Variants in RP1 observed in about 807,000 individuals in gnomAD.
The protein encoded by RP1 is oxygen-regulated protein 1.
RP1 carries 16 observed loss-of-function variants against 14.8 expected under a neutral mutation model. The observed-to-expected ratio is 1.08, with a 90% CI of 0.73 to 1.65. The LOEUF (loss-of-function observed/expected upper bound fraction) is 1.65, where lower values mean the gene tolerates loss of function less well. Ranked by LOEUF, RP1 falls within the 40% of genes most tolerant of loss-of-function variation. The pLI is 0.00. For missense variants in RP1, 2,631 were observed against 2,535.0 expected (o/e 1.04, Z -0.81); for synonymous variants, 876 against 883.6 (o/e 0.99, Z 0.15).
intron 19 of RP1, among the ~76,000 whole-genome samples, chr8:54,746,987 G>T (rs1037862534): frequency 1.3e-5 from 2 of 152,156 alleles, no homozygotes; most frequent in African/African-American, 4.8e-5. Context: ...AATTTTCCTA[G>T]ATTGTTTTAT....
intron 16 of RP1, among the ~76,000 whole-genome samples, chr8:54,724,961 A>G (rs1303858448): frequency 6.6e-6 from 1 of 152,110 alleles, no homozygotes; most frequent in Non-Finnish European, 1.5e-5. Flanking sequence ...TTTCTAATGG[A>G]CTGGCACATT....
At chr8:54,820,338 A>T (rs1811226006) in intron 24 of RP1, among the ~76,000 whole-genome samples, 1 of 152,134 alleles carries the variant, frequency 6.6e-6, no homozygotes, top group South Asian at 2.1e-4. Context: ...CTCCAAGTCC[A>T]GTGAAGTACC....
At chr8:54,594,622 CTT>C (rs1455990823) in intron 1 of RP1, among the ~76,000 whole-genome samples, 3 of 152,160 alleles carry the variant, frequency 2.0e-5, no homozygotes, top group Non-Finnish European at 2.9e-5. Flanking sequence ...AAAATTAAGA[CTT>C]AAATTTGAAG....
chr8:54,603,818 C>T (rs1805355407), intron 1 of RP1, among the ~76,000 whole-genome samples: 1 of 152,144 alleles, frequency 6.6e-6, no homozygotes, highest in Non-Finnish European at 1.5e-5. Flanking sequence ...TGGGAGTTCA[C>T]TCATGATTTG....
chr8:54,740,934 G>T (rs1809068034), intron 19 of RP1, among the ~76,000 whole-genome samples: 1 of 151,814 alleles, frequency 6.6e-6, no homozygotes, highest in Non-Finnish European at 1.5e-5. Context: ...TAGTCGGGAG[G>T]CTGAGGCAGG....
intron 1 of RP1, among the ~76,000 whole-genome samples, chr8:54,581,236 A>G (rs1170380577): frequency 1.3e-5 from 2 of 149,378 alleles, no homozygotes; most frequent in Non-Finnish European, 3.0e-5. Context: ...ATTCCCACCT[A>G]TGAGTGAGAA....
At chr8:54,868,843 G>T (rs1235807420) in intron 28 of RP1, among the ~76,000 whole-genome samples, 1 of 152,086 alleles carries the variant, frequency 6.6e-6, no homozygotes, top group Non-Finnish European at 1.5e-5. Context: ...AAAGGTCTCC[G>T]AGAAGGAGGT....
chr8:54,722,241 A>C (rs531195287), intron 16 of RP1, among the ~76,000 whole-genome samples: 2 of 148,078 alleles, frequency 1.4e-5, no homozygotes, highest in South Asian at 2.2e-4. Flanking sequence ...TAATTCTCCA[A>C]GTCATTTTAT....
chr8:54,573,043 A>T (rs1477219609), intron 1 of RP1, among the ~76,000 whole-genome samples: 3 of 152,066 alleles, frequency 2.0e-5, no homozygotes, highest in African/African-American at 7.2e-5. Context: ...ATAAATAGAG[A>T]TTTTCTAATG....
At chr8:54,601,263 T>G (rs941146519) in intron 1 of RP1, among the ~76,000 whole-genome samples, 1 of 152,006 alleles carries the variant, frequency 6.6e-6, no homozygotes, top group Non-Finnish European at 1.5e-5. Context: ...AAAGAAAACC[T>G]AAAATATTTT....
downstream of RP1, among the ~76,000 whole-genome samples, chr8:54,774,792 C>G (rs979779643): frequency 2.6e-5 from 4 of 152,172 alleles, no homozygotes; most frequent in African/African-American, 9.7e-5. Context: ...AAATATCCAA[C>G]AGCCTTGCAG....
At chr8:54,761,703 T>C (rs1269910670) in intron 22 of RP1, among the ~76,000 whole-genome samples, 1 of 152,194 alleles carries the variant, frequency 6.6e-6, no homozygotes, top group Non-Finnish European at 1.5e-5. Flanking sequence ...TATAAAATAT[T>C]AAATGCTAAT....
downstream of RP1, among the ~76,000 whole-genome samples, chr8:54,631,314 G>A (rs186235217): frequency 3.2e-4 from 49 of 152,260 alleles, no homozygotes; most frequent in Admixed American, 2.7e-3. Context: ...CTTTCTTTTA[G>A]TGAAAATATG....
chr8:54,663,449 G>A (rs1307624695), intron 6 of RP1, among the ~76,000 whole-genome samples: 2 of 152,120 alleles, frequency 1.3e-5, no homozygotes, highest in African/African-American at 4.8e-5. Context: ...CCAGCATATT[G>A]TTATAATTAA....
intron 27 of RP1, among the ~76,000 whole-genome samples, chr8:54,863,237 G>A (rs1216404571): frequency 6.6e-6 from 1 of 151,848 alleles, no homozygotes; most frequent in African/African-American, 2.4e-5. Context: ...TCTATGTTTA[G>A]AAACACATAT....
chr8:54,639,901 T>C (rs1198366720), intron 3 of RP1, among the ~76,000 whole-genome samples: 2 of 152,310 alleles, frequency 1.3e-5, no homozygotes, highest in East Asian at 1.9e-4. Context: ...TAGCTTGACT[T>C]TTCACTTTCT....
rs764538774 is a variant in RP1 at position 54,626,206 on chromosome 8, C to T, written c.2324C>T (p.Thr775Ile). Residue 775 changes from threonine (T) to isoleucine (I), a missense_variant, in exon 4 of 4, where the codon ACC (threonine) becomes ATC (isoleucine). Physicochemically the swap from Thr to Ile is moderately conservative, Grantham distance 89 (BLOSUM62 -1). Coordinates refer to ENST00000220676, the MANE Select transcript of RP1 (RefSeq NM_006269.2). ...TQNSKVQGLLTKRKSRSLNKI... is the reference protein window; with the variant it reads ...TQNSKVQGLLIKRKSRSLNKI... ...AATTCCAAGGTTCAAGGACTTTTAACCAAAAGAAAATCTAGATCACTAAAT... is the reference window on the plus strand; with the variant it reads ...AATTCCAAGGTTCAAGGACTTTTAATCAAAAGAAAATCTAGATCACTAAAT... The T allele has an allele frequency of 6.2e-7, 1 of 1,609,612 alleles. No homozygotes were observed. The highest frequency in any genetic ancestry group is 1.3e-5 in the African/African-American group (1 of 74,474).
intron 12 of RP1, among the ~76,000 whole-genome samples, chr8:54,691,457 C>T (rs7015807): frequency 0.3 from 45,468 of 151,902 alleles, 8,326 homozygotes; most frequent in Middle Eastern, 0.48. Context: ...ATTATGAGTT[C>T]TAGTTTGTGC....
chr8:54,846,433 G>A (rs889256732), intron 25 of RP1, among the ~76,000 whole-genome samples: 4 of 152,126 alleles, frequency 2.6e-5, no homozygotes, highest in Non-Finnish European at 4.4e-5. Flanking sequence ...AAAGTATTGC[G>A]TGTGATGGAA....
Sources: allele counts gnomAD v4.1 joint callset (sites outside exome capture counted in the v4.1 genomes callset), GRCh38; gene constraint gnomAD v4.1.1; transcripts MANE v1.5; gene names NCBI Gene and HGNC (gene_info 2026-07-23, HGNC 2026-07-21).